The following PCDHGA5 variants were observed in gnomAD, a reference collection of about 807,000 sequenced individuals.
PCDHGA5 encodes protocadherin gamma-A5.
PCDHGA5 carries 36 observed loss-of-function variants against 56.7 expected under a neutral mutation model. That is an observed-to-expected ratio of 0.64 (90% CI 0.49 to 0.84). PCDHGA5 has a LOEUF of 0.84. PCDHGA5 is among the 40% of genes least tolerant of loss of function. PCDHGA5 has a pLI of 0.00. For missense variants in PCDHGA5, 1,305 were observed against 1,201.5 expected, an observed-to-expected ratio of 1.09 and a Z score of -1.27; for synonymous variants, 563 against 520.2, an observed-to-expected ratio of 1.08 and a Z score of -1.12.
At chr5:141,467,846 A>G (rs984687278) in intron 1 of PCDHGA5, among the ~76,000 whole-genome samples, 2 of 151,926 alleles carry the variant, frequency 1.3e-5, no homozygotes, top group Non-Finnish European at 2.9e-5. Context: ...TTTTTGTAGA[A>G]TGAGATTTCA....
intron 1 of PCDHGA5, chr5:141,415,051 C>T: frequency 3.1e-6 from 5 of 1,613,458 alleles, no homozygotes; most frequent in South Asian, 1.1e-5. Flanking sequence ...GGTGGGGGAG[C>T]ACACGGGCGA....
intron 1 of PCDHGA5, among the ~76,000 whole-genome samples, chr5:141,436,998 A>T (rs985067199): frequency 6.6e-6 from 1 of 152,242 alleles, no homozygotes; most frequent in African/African-American, 2.4e-5. Context: ...GTTTACTTCA[A>T]TGGGATCTTA....
intron 1 of PCDHGA5, chr5:141,405,363 C>G (rs765508317): frequency 5.0e-6 from 8 of 1,613,808 alleles, no homozygotes; most frequent in Non-Finnish European, 6.8e-6. Context: ...ATAGAAGACA[C>G]CCCTTTGGTT....
chr5:141,490,399 C>T lies in PCDHGA5; in HGVS notation c.2422-4408C>T. The T allele has an allele frequency of 1.2e-6, 2 of 1,614,148 alleles. No homozygotes were observed. Among genetic ancestry groups the T allele is most frequent in the Non-Finnish European group, 1.7e-6 (2 of 1,180,016 alleles). On this transcript the variant is annotated intron_variant, in intron 1 of 3. Transcript: ENST00000518069. This position sits in a 1 kb window ranked among gnomAD's most constrained non-coding sequence, Gnocchi z 5.4. ...CTCAGGTAGAAATGGTGAAGTGAGC[C>T]TTGATATCTCTCCGGACCTGCCATT... is the stretch of plus-strand genomic sequence containing the variant.
Position 141,388,684 on chromosome 5 carries a change from C to T in PCDHGA5, c.2421+21933C>T, listed in dbSNP as rs1458700152. 1.2e-5 allele frequency: 19 copies of T among 1,613,818 alleles called. No homozygotes were observed. Among genetic ancestry groups the T allele is most frequent in the African/African-American group, 2.7e-5 (2 of 74,912 alleles). On this transcript the variant is annotated intron_variant, in intron 1 of 3. Coordinates refer to ENST00000518069, the MANE Select transcript of PCDHGA5 (RefSeq NM_018918.3). ...ACCACGGTGCTACAGGTGACTGCCA[C>T]GGACCAGGATGAGGGTGTCAATGCC...
chr5:141,403,438 T>G (rs759998240), intron 1 of PCDHGA5: 12 of 1,614,054 alleles, frequency 7.4e-6, no homozygotes, highest in Non-Finnish European at 8.5e-6. Flanking sequence ...ATCCGGATGT[T>G]GGCGTGAACT....
intron 1 of PCDHGA5, among the ~76,000 whole-genome samples, chr5:141,445,156 GT>G (rs1248104914): frequency 6.6e-6 from 1 of 152,018 alleles, no homozygotes; most frequent in Non-Finnish European, 1.5e-5. Flanking sequence ...TTCATTTCTA[GT>G]TTACAGAAAA....
chr5:141,428,145 A>G (rs748256830), intron 1 of PCDHGA5: 10 of 1,592,574 alleles, frequency 6.3e-6, no homozygotes, highest in African/African-American at 1.3e-5. Context: ...GGGGCTGCAC[A>G]CGGGAACCTG....
chr5:141,405,835 A>C (rs2094724459), intron 1 of PCDHGA5, among the ~76,000 whole-genome samples: 1 of 152,178 alleles, frequency 6.6e-6, no homozygotes, highest in African/African-American at 2.4e-5. Flanking sequence ...AGGTAGTATA[A>C]GTTGATATCA....
Position 141,477,383 on chromosome 5 carries a change from T to A in PCDHGA5, c.2422-17424T>A. 6.2e-7 allele frequency: 1 copy of A among 1,614,102 alleles called. No homozygotes were observed. Among genetic ancestry groups the A allele is most frequent in the Non-Finnish European group, 8.5e-7 (1 of 1,180,006 alleles). On this transcript the variant is annotated intron_variant, in intron 1 of 3. Transcript: ENST00000518069. This position sits in a 1 kb window ranked among gnomAD's most constrained non-coding sequence, Gnocchi z 4.9. Reference sequence around the variant, plus strand: ...CCTGGATCGGGAGACTGTGCCAGAATACAACCTCAGCATCACCGCCCGAGA... The same window carrying A: ...CCTGGATCGGGAGACTGTGCCAGAAAACAACCTCAGCATCACCGCCCGAGA...
chr5:141,421,203 G>T, intron 1 of PCDHGA5: 1 of 1,522,612 alleles, frequency 6.6e-7, no homozygotes, highest in Non-Finnish European at 8.8e-7. Flanking sequence ...TCGAGAAACC[G>T]CGGAATATCG....
At chr5:141,403,507 A>G (rs373170550) in intron 1 of PCDHGA5, 1 of 1,614,006 alleles carries the variant, frequency 6.2e-7, no homozygotes, top group Non-Finnish European at 8.5e-7. Context: ...TGCAGACTGG[A>G]GACAATGGAG....
At chr5:141,389,388 T>C (rs375763465) in intron 1 of PCDHGA5, 34 of 1,613,602 alleles carry the variant, frequency 2.1e-5, no homozygotes, top group Non-Finnish European at 2.6e-5. Context: ...GCTGTCATCC[T>C]ACGTGTCCAT....
chr5:141,450,280 T>C (rs1374970772), intron 1 of PCDHGA5, among the ~76,000 whole-genome samples: 2 of 152,166 alleles, frequency 1.3e-5, no homozygotes, highest in African/African-American at 4.8e-5. Context: ...AGCTAAGTGC[T>C]GGGATTACAG....
intron 1 of PCDHGA5, among the ~76,000 whole-genome samples, chr5:141,386,303 T>G (rs938709302): frequency 6.6e-6 from 1 of 152,202 alleles, no homozygotes; most frequent in Non-Finnish European, 1.5e-5. Context: ...TTAGTAAAGC[T>G]CAGTATATCA....
At chr5:141,373,971 C>A in intron 1 of PCDHGA5, 2 of 1,026,814 alleles carry the variant, frequency 1.9e-6, no homozygotes, top group Non-Finnish European at 2.7e-6. Flanking sequence ...AAACGCTTCG[C>A]ATCCGGTCTC....
chr5:141,507,810 G>A (rs550331241), intron 3 of PCDHGA5, among the ~76,000 whole-genome samples: 1 of 152,290 alleles, frequency 6.6e-6, no homozygotes, highest in African/African-American at 2.4e-5. Context: ...CCTGGGGAAC[G>A]GACCCTGGGG....
chr5:141,403,263 T>A, intron 1 of PCDHGA5: 1 of 1,613,872 alleles, frequency 6.2e-7, no homozygotes, highest in East Asian at 2.2e-5. Flanking sequence ...CGGTGTCTGG[T>A]GAACTTTAAA....
rs746242389 is a variant in PCDHGA5 at position 141,491,254 on chromosome 5, G to C, written c.2422-3553G>C. 3 of 1,614,080 alleles carry C rather than the reference G, an allele frequency of 1.9e-6. No individual in the cohort carries two copies. In the African/African-American group the frequency reaches 4.0e-5, roughly 22 times the overall value. On this transcript the variant is annotated intron_variant, in intron 1 of 3. Transcript: ENST00000518069. This position sits in a 1 kb window ranked among gnomAD's most constrained non-coding sequence, Gnocchi z 6.9. ...GCTGGTTCTGGAGGATGAGGACCCT[G>C]AGGAAATGCCCAAATCCAGTGACTT...
Sources: gnomAD v4.1 joint callset for allele counts (sites outside exome capture counted in the v4.1 genomes callset) on GRCh38, gnomAD v4.1.1 for gene constraint, Gnocchi (gnomAD v3.1) non-coding constraint, MANE v1.5 for transcripts, NCBI Gene and HGNC (gene_info 2026-07-23, HGNC 2026-07-21) for gene names.